The following CERS6 variants were observed in gnomAD, a reference collection of about 807,000 sequenced individuals.
CERS6 encodes LAG1 homolog, ceramide synthase 6.
Under a neutral mutation model 56.8 loss-of-function variants are expected in CERS6, and 26 were observed. The ratio of observed to expected loss-of-function variants is 0.46; its 90% CI spans 0.34 to 0.63. The LOEUF (loss-of-function observed/expected upper bound fraction) is 0.63. Among genes scored for constraint, CERS6 ranks in the 30% least tolerant of loss-of-function variants. The pLI is 0.01. For missense variants in CERS6, 415 were observed against 467.5 expected (o/e 0.89, Z 1.04); for synonymous variants, 164 against 173.3 (o/e 0.95, Z 0.42).
intron 3 of CERS6, among the ~76,000 whole-genome samples, chr2:168,616,036 A>G (rs1307513861): frequency 6.6e-6 from 1 of 152,240 alleles, no homozygotes; most frequent in African/African-American, 2.4e-5. Context: ...CAGAAATCCT[A>G]CAAGCTAGAA....
chr2:168,525,808 A>G (rs1329548536), intron 1 of CERS6, among the ~76,000 whole-genome samples: 1 of 152,248 alleles, frequency 6.6e-6, no homozygotes, highest in African/African-American at 2.4e-5. Context: ...AGGTCTTTAA[A>G]TAAGAACTCA....
chr2:168,665,074 A>C (rs1441269762), intron 4 of CERS6, among the ~76,000 whole-genome samples: 1 of 152,138 alleles, frequency 6.6e-6, no homozygotes, highest in Non-Finnish European at 1.5e-5. Flanking sequence ...TTTGCAGCCA[A>C]ATCTAACCTA....
At chr2:168,753,913 C>A (rs1684348398) in intron 8 of CERS6, among the ~76,000 whole-genome samples, 1 of 152,196 alleles carries the variant, frequency 6.6e-6, no homozygotes, top group South Asian at 2.1e-4. Flanking sequence ...CTCTTATCCC[C>A]TTCCTTCCTG....
chr2:168,670,868 G>C (rs576242791), intron 4 of CERS6, among the ~76,000 whole-genome samples: 1 of 150,722 alleles, frequency 6.6e-6, no homozygotes, highest in African/African-American at 2.4e-5. Context: ...AATAAGTTCT[G>C]TGAGAGCAAT....
intron 1 of CERS6, among the ~76,000 whole-genome samples, chr2:168,466,189 A>G (rs1233411219): frequency 3.3e-5 from 5 of 152,170 alleles, no homozygotes; most frequent in African/African-American, 1.2e-4. Flanking sequence ...ATATCATTTC[A>G]AGTCCATTTG....
intron 1 of CERS6, among the ~76,000 whole-genome samples, chr2:168,529,389 T>C (rs1293348138): frequency 6.6e-6 from 1 of 152,208 alleles, no homozygotes; most frequent in African/African-American, 2.4e-5. Flanking sequence ...AAAGTCATTC[T>C]GTTATCAGTA....
chr2:168,685,730 C>G (rs933215009), intron 4 of CERS6, among the ~76,000 whole-genome samples: 24 of 152,026 alleles, frequency 1.6e-4, no homozygotes, highest in Admixed American at 1.3e-4. Flanking sequence ...TGGCTCCTAT[C>G]CTGGTGCCAG....
intron 4 of CERS6, among the ~76,000 whole-genome samples, chr2:168,663,053 C>T (rs1435511839): frequency 1.3e-5 from 2 of 152,140 alleles, no homozygotes; most frequent in African/African-American, 4.8e-5. Flanking sequence ...AAAGCTAGGA[C>T]CCGCTTGAGT....
At chr2:168,705,937 T>C (rs1336244928) in intron 6 of CERS6, among the ~76,000 whole-genome samples, 1 of 152,176 alleles carries the variant, frequency 6.6e-6, no homozygotes, top group Non-Finnish European at 1.5e-5. Context: ...GAAGTGACCT[T>C]TCCCCATTAA....
intron 8 of CERS6, among the ~76,000 whole-genome samples, chr2:168,752,270 A>C (rs1230015215): frequency 7.3e-6 from 1 of 136,834 alleles, no homozygotes; most frequent in Non-Finnish European, 1.6e-5. Flanking sequence ...CCATCTTTTA[A>C]AAAAATAAAT....
At chr2:168,557,921 G>A (rs1558997109) in intron 2 of CERS6, among the ~76,000 whole-genome samples, 2 of 152,102 alleles carry the variant, frequency 1.3e-5, no homozygotes, top group Admixed American at 1.3e-4. Context: ...AACATATGAA[G>A]ATGCCTTACA....
chr2:168,666,024 A>T (rs574277809), intron 4 of CERS6, among the ~76,000 whole-genome samples: 12 of 150,960 alleles, frequency 7.9e-5, no homozygotes, highest in African/African-American at 2.7e-4. Flanking sequence ...TGAATGGAAA[A>T]TATGGAGTAT....
chr2:168,672,140 A>G (rs1044267941), intron 4 of CERS6, among the ~76,000 whole-genome samples: 5 of 152,242 alleles, frequency 3.3e-5, no homozygotes, highest in African/African-American at 1.2e-4. Context: ...TCATGGATAC[A>G]TTCTGAATCA....
At chr2:168,480,687 CAT>C (rs1694162038) in intron 1 of CERS6, among the ~76,000 whole-genome samples, 1 of 152,176 alleles carries the variant, frequency 6.6e-6, no homozygotes, top group Admixed American at 6.5e-5. Flanking sequence ...GGAAAAAGAA[CAT>C]ATGAGCTTGG....
chr2:168,483,883 G>T lies in CERS6; in HGVS notation c.170+27265G>T, dbSNP rs549366940. ...GAGAGCTCATGAGACCAGAAGGCTG[G>T]GTCCCACCTCCAGAATTTCTGAATC... is the stretch of plus-strand genomic sequence containing the variant. On this transcript the variant is annotated intron_variant, in intron 1 of 9. Transcript: ENST00000305747. 5.3e-5 allele frequency among the ~76,000 whole-genome samples: 8 copies of T among 152,244 alleles called. No homozygotes were observed. In the South Asian group the frequency reaches 1.5e-3, roughly 28 times the overall value.
At chr2:168,558,086 T>A (rs1243613992) in intron 2 of CERS6, among the ~76,000 whole-genome samples, 1 of 152,212 alleles carries the variant, frequency 6.6e-6, no homozygotes, top group African/African-American at 2.4e-5. Flanking sequence ...CTGTTTTATG[T>A]ATTAGACTGG....
At chr2:168,762,753 AG>A (rs1157296929) in intron 8 of CERS6, among the ~76,000 whole-genome samples, 3 of 152,242 alleles carry the variant, frequency 2.0e-5, no homozygotes, top group African/African-American at 7.2e-5. Flanking sequence ...TACTCTTTAA[AG>A]ACAACTACTA....
At chr2:168,696,654 A>C (rs997622325) in intron 6 of CERS6, among the ~76,000 whole-genome samples, 1 of 152,182 alleles carries the variant, frequency 6.6e-6, no homozygotes, top group Non-Finnish European at 1.5e-5. Flanking sequence ...GCAACAGCCC[A>C]CTTTCTCATA....
intron 8 of CERS6, among the ~76,000 whole-genome samples, chr2:168,760,682 T>C (rs1684546812): frequency 6.6e-6 from 1 of 152,224 alleles, no homozygotes; most frequent in African/African-American, 2.4e-5. Context: ...AAGAACAGTT[T>C]CCTCAATTGT....
Sources: allele counts gnomAD v4.1 joint callset (sites outside exome capture counted in the v4.1 genomes callset), GRCh38; gene constraint gnomAD v4.1.1; transcripts MANE v1.5; gene names NCBI Gene and HGNC (gene_info 2026-07-23, HGNC 2026-07-21).